Variants in GABRG3 observed in about 807,000 individuals in gnomAD.
The protein encoded by GABRG3 is gamma-aminobutyric acid type A receptor subunit gamma3.
Under a neutral mutation model 48.8 loss-of-function variants are expected in GABRG3, and 25 were observed. That is an observed-to-expected ratio of 0.51 (90% CI 0.37 to 0.72). The LOEUF is 0.72. GABRG3 is among the 30% of genes least tolerant of loss of function. The pLI, the probability that GABRG3 is intolerant of heterozygous loss-of-function variation, is 0.00. For synonymous variants in GABRG3, 227 were observed against 217.6 expected, an observed-to-expected ratio of 1.04 and a Z score of -0.38; for missense variants, 394 against 577.9, an observed-to-expected ratio of 0.68 and a Z score of 3.26.
intron 2 of GABRG3, among the ~76,000 whole-genome samples, chr15:27,016,101 T>C (rs962915838): frequency 6.6e-6 from 1 of 152,138 alleles, no homozygotes; most frequent in East Asian, 1.9e-4. Context: ...TTTTATATAT[T>C]TATATGGCTT....
intron 3 of GABRG3, among the ~76,000 whole-genome samples, chr15:27,158,716 G>A (rs1898498005): frequency 6.6e-6 from 1 of 152,082 alleles, no homozygotes. Context: ...CAAATAAATG[G>A]CATTATTGTC....
intron 3 of GABRG3, among the ~76,000 whole-genome samples, chr15:27,299,708 C>T (rs1892129343): frequency 6.6e-6 from 1 of 152,106 alleles, no homozygotes; most frequent in African/African-American, 2.4e-5. Context: ...GACAGAGGGA[C>T]CTCCTATCCA....
chr15:27,042,091 T>C (rs1235650671), intron 3 of GABRG3, among the ~76,000 whole-genome samples: 1 of 152,200 alleles, frequency 6.6e-6, no homozygotes, highest in African/African-American at 2.4e-5. Flanking sequence ...AACGAGGTTC[T>C]CCAAAGGACA....
chr15:27,358,238 C>G (rs561356772), intron 5 of GABRG3, among the ~76,000 whole-genome samples: 1 of 152,162 alleles, frequency 6.6e-6, no homozygotes, highest in Non-Finnish European at 1.5e-5. Flanking sequence ...ACACCCCAGT[C>G]TGAAAATAAC....
At chr15:27,333,876 A>G (rs1362843368) in intron 5 of GABRG3, among the ~76,000 whole-genome samples, 1 of 152,168 alleles carries the variant, frequency 6.6e-6, no homozygotes, top group Admixed American at 6.5e-5. Flanking sequence ...GTGTCTTAAT[A>G]TATTTTATGG....
At chr15:27,037,905 G>A (rs1896206618) in intron 3 of GABRG3, among the ~76,000 whole-genome samples, 1 of 152,114 alleles carries the variant, frequency 6.6e-6, no homozygotes, top group South Asian at 2.1e-4. Flanking sequence ...CTTTCCACAT[G>A]CCACCAACTT....
intron 5 of GABRG3, among the ~76,000 whole-genome samples, chr15:27,389,810 A>G (rs1221460224): frequency 1.3e-5 from 2 of 152,248 alleles, no homozygotes; most frequent in East Asian, 3.8e-4. Flanking sequence ...AATGTAAAAA[A>G]GTAAAATAAT....
chr15:27,088,435 C>T (rs917126304), intron 3 of GABRG3, among the ~76,000 whole-genome samples: 1 of 152,122 alleles, frequency 6.6e-6, no homozygotes, highest in African/African-American at 2.4e-5. Context: ...AGGGGCTTTA[C>T]TCTGGCCAAC....
At chr15:27,077,522 T>G (rs1362002140) in intron 3 of GABRG3, among the ~76,000 whole-genome samples, 2 of 152,154 alleles carry the variant, frequency 1.3e-5, no homozygotes, top group African/African-American at 4.8e-5. Flanking sequence ...CAAATGCCCC[T>G]TATGGCTTAA....
intron 5 of GABRG3, chr15:27,365,890 A>T (rs1457499970): frequency 6.6e-6 from 1 of 152,218 alleles, no homozygotes; most frequent in South Asian, 2.1e-4. Flanking sequence ...ATCAAAAGCC[A>T]AAAAATAAAT....
Position 27,336,279 on chromosome 15 carries a change from A to G in GABRG3, c.574+7391A>G, listed in dbSNP as rs528672680. 4.7e-5 allele frequency among the ~76,000 whole-genome samples: 7 copies of G among 150,332 alleles called. No homozygotes were observed. In the East Asian group the frequency reaches 1.4e-3, roughly 29 times the overall value. On this transcript the variant is annotated intron_variant, in intron 5 of 9. Coordinates refer to ENST00000615808, the MANE Select transcript of GABRG3 (RefSeq NM_033223.5). ...AAAAAGAAAGAAAGAAAGGAAGGAG[A>G]GACAGAGAGAGAAAAGAAGAAGGAG...
chr15:27,163,750 G>A (rs1887276049), intron 3 of GABRG3, among the ~76,000 whole-genome samples: 1 of 152,084 alleles, frequency 6.6e-6, no homozygotes, highest in South Asian at 2.1e-4. Flanking sequence ...CAAACCTCTT[G>A]AGTGTCCCCA....
intron 3 of GABRG3, among the ~76,000 whole-genome samples, chr15:27,060,277 A>G (rs1365753410): frequency 1.3e-5 from 2 of 152,216 alleles, no homozygotes; most frequent in African/African-American, 4.8e-5. Context: ...ACCTATTTGA[A>G]TGCAGCCCAC....
chr15:27,499,470 T>G (rs1219174482), intron 6 of GABRG3, among the ~76,000 whole-genome samples: 1 of 152,234 alleles, frequency 6.6e-6, no homozygotes, highest in Non-Finnish European at 1.5e-5. Flanking sequence ...AGCCCCAGTC[T>G]GAGGATTAGG....
intron 3 of GABRG3, among the ~76,000 whole-genome samples, chr15:27,171,521 T>TATATAC (rs1028697177): frequency 6.8e-6 from 1 of 148,008 alleles, no homozygotes; most frequent in African/African-American, 2.5e-5. Flanking sequence ...TATATATATA[T>TATATAC]ATACATATAC....
At chr15:27,417,539 A>G (rs1887976720) in intron 5 of GABRG3, among the ~76,000 whole-genome samples, 1 of 151,892 alleles carries the variant, frequency 6.6e-6, no homozygotes, top group Non-Finnish European at 1.5e-5. Context: ...CCATCCTTCC[A>G]TCACCCGGGG....
intron 3 of GABRG3, among the ~76,000 whole-genome samples, chr15:27,128,292 T>C (rs528771070): frequency 6.6e-6 from 1 of 152,340 alleles, no homozygotes; most frequent in South Asian, 2.1e-4. Flanking sequence ...CTGTGTGTTG[T>C]GTGTCGCTCT....
At chr15:27,152,706 T>A (rs1898339329) in intron 3 of GABRG3, among the ~76,000 whole-genome samples, 2 of 152,092 alleles carry the variant, frequency 1.3e-5, no homozygotes, top group Admixed American at 1.3e-4. Flanking sequence ...TCTAATTGGA[T>A]TTTTTACAAC....
intron 3 of GABRG3, among the ~76,000 whole-genome samples, chr15:27,132,483 T>TG (rs1272575073): frequency 1.5e-4 from 22 of 146,316 alleles, no homozygotes; most frequent in African/African-American, 5.0e-4. Flanking sequence ...TTTTTTTTTT[T>TG]TTTTTTTTTT....
Sources: allele counts gnomAD v4.1 joint callset (sites outside exome capture counted in the v4.1 genomes callset), GRCh38; gene constraint gnomAD v4.1.1; transcripts MANE v1.5; gene names NCBI Gene and HGNC (gene_info 2026-07-23, HGNC 2026-07-21).